The following P2RX5 variants were observed in gnomAD, a reference collection of about 807,000 sequenced individuals.
P2RX5 encodes the protein purinergic receptor P2X 5.
P2RX5 carries 46 observed loss-of-function variants against 54.1 expected under a neutral mutation model. The ratio of observed to expected loss-of-function variants is 0.85; its 90% CI spans 0.67 to 1.09. P2RX5 has a LOEUF of 1.09. Ranked by LOEUF, P2RX5 falls within the 50% of genes least tolerant of loss-of-function variation. P2RX5 has a pLI of 0.00. For synonymous variants in P2RX5, 226 were observed against 226.4 expected (o/e 1.00, Z 0.02); for missense variants, 566 against 549.8 (o/e 1.03, Z -0.29).
chr17:3,714,082 C>T, the P2RX5 span, among the ~76,000 whole-genome samples: 2 of 151,566 alleles, frequency 1.3e-5, no homozygotes, highest in South Asian at 4.2e-4. Context: ...CACCTGCCAC[C>T]GCACCCGGCT....
At chr17:3,699,094 C>CACACACACACACACA (rs57191097), upstream of P2RX5, among the ~76,000 whole-genome samples, 9 of 107,028 alleles carry the variant, frequency 8.4e-5, no homozygotes, top group South Asian at 2.6e-4. Flanking sequence ...CACACACACA[C>CACACACACACACACA]CTATATATAT....
At position 3,688,665 on chromosome 17, in the gene P2RX5, T is replaced by C. The variant is rs1567736090; in HGVS notation, c.848A>G (p.Asn283Ser). 6.2e-7 allele frequency: 1 copy of C among 1,614,104 alleles called. No individual in the cohort carries two copies. ...HPHYSFSRLD[N>S]KLSKSVSSGY... The stretch of plus-strand genomic sequence containing the variant: ...GGAGGAGACAGACTTTGAAAGTTTA[T>C]TGTCCAGACGGCTAAAAGAATAGTG... Residue 283 changes from asparagine (N) to serine (S), a missense_variant, in exon 8 of 12, where the codon AAT (asparagine) becomes AGT (serine). Physicochemically the swap from Asn to Ser is conservative, Grantham distance 46. Coordinates refer to ENST00000225328, the MANE Select transcript of P2RX5 (RefSeq NM_002561.4).
At chr17:3,684,838 T>A in intron 9 of P2RX5, among the ~76,000 whole-genome samples, 1 of 8,388 alleles carries the variant, frequency 1.2e-4, no homozygotes, top group Non-Finnish European at 0.022. Flanking sequence ...CTGCCCCCTT[T>A]TTTTTTTTTT....
chr17:3,684,670 AAAAC>A (rs886409829), intron 9 of P2RX5, among the ~76,000 whole-genome samples: 3 of 152,156 alleles, frequency 2.0e-5, no homozygotes, highest in African/African-American at 2.4e-5. Context: ...TATGAAATAG[AAAAC>A]AAACAAAAAC....
At position 3,690,128 on chromosome 17, in the gene P2RX5, C is replaced by A; in HGVS notation, c.556G>T (p.Glu186Ter). ...TTCTTTATGAAAATGGTGAAGTCTT[C>A]GGCCTCCTTCAGGAATGGCTCCCTG... ...RPEEPFLKEA[E>*]DFTIFIKNHI... The change falls in exon 6 of 12, where the codon GAA becomes TAA. Residue 186 changes from glutamate to a stop codon, truncating the protein, a stop_gained. Coordinates refer to ENST00000225328, the MANE Select transcript of P2RX5 (RefSeq NM_002561.4). LOFTEE classifies it high-confidence loss of function. 1 of 1,614,174 alleles carries A rather than the reference C, an allele frequency of 6.2e-7. No individual in the cohort carries two copies. The highest frequency in any genetic ancestry group is 8.5e-7 in the Non-Finnish European group (1 of 1,180,000).
the P2RX5 span, chr17:3,716,884 G>A: frequency 1.3e-6 from 1 of 761,514 alleles, no homozygotes; most frequent in Non-Finnish European, 2.3e-6. Flanking sequence ...AGCAAAATAC[G>A]AGGACTTGGC....
intron 6 of P2RX5, 44 bp from the exon 7 acceptor site, chr17:3,689,674 A>T: frequency 6.2e-7 from 1 of 1,613,224 alleles, no homozygotes; most frequent in Non-Finnish European, 8.5e-7. Flanking sequence ...GTAAGACTTG[A>T]TGTTTCCCGG....
At chr17:3,680,603 T>C (rs80293344) in intron 10 of P2RX5, among the ~76,000 whole-genome samples, 1 of 51,644 alleles carries the variant, frequency 1.9e-5, no homozygotes, top group Non-Finnish European at 3.6e-5. Flanking sequence ...GCTTCCTCCA[T>C]CCTGGGTCCT....
Position 3,689,476 on chromosome 17 carries a change from C to A in P2RX5, c.753+16G>T. ...CCAGGCCCTCAGGGAGGGCTCCCTG[C>A]GTGCACCCCACCCACCTCCAGGGCT... On this transcript the variant is annotated intron_variant, in intron 7 of 11. Transcript: ENST00000225328. The A allele has an allele frequency of 1.2e-6, 2 of 1,613,512 alleles. No homozygotes were observed. The highest frequency in any genetic ancestry group is 1.7e-6 in the Non-Finnish European group (2 of 1,179,698).
the P2RX5 span, among the ~76,000 whole-genome samples, chr17:3,709,583 C>T: frequency 6.6e-6 from 1 of 152,110 alleles, no homozygotes; most frequent in South Asian, 2.1e-4. Context: ...GCCTGGGTAA[C>T]AAGGTGAGAC....
At chr17:3,692,745 G>A (rs1368974273) in intron 1 of P2RX5, among the ~76,000 whole-genome samples, 2 of 152,180 alleles carry the variant, frequency 1.3e-5, no homozygotes, top group African/African-American at 4.8e-5. Context: ...GGGAGGCTGA[G>A]GTGGGAGGAT....
At chr17:3,684,694 C>T (rs757045278) in intron 9 of P2RX5, among the ~76,000 whole-genome samples, 1 of 152,204 alleles carries the variant, frequency 6.6e-6, no homozygotes, top group Non-Finnish European at 1.5e-5. Context: ...CCTCCTACGA[C>T]ACCCAGCACA....
the P2RX5 span, among the ~76,000 whole-genome samples, chr17:3,710,745 T>G: frequency 6.6e-6 from 1 of 151,766 alleles, no homozygotes; most frequent in Non-Finnish European, 1.5e-5. Flanking sequence ...CTGGCCGACA[T>G]GGTGAAACCC....
chr17:3,695,477 TGCCAGGCCAAGGCCCA>T (rs1174417073), intron 1 of P2RX5, among the ~76,000 whole-genome samples: 1 of 152,140 alleles, frequency 6.6e-6, no homozygotes, highest in Non-Finnish European at 1.5e-5. Context: ...CTGGGTCAGC[TGCCAGGCCAAGGCCCA>T]GGGAGGCTCC....
In P2RX5 at chr17:3,688,075, C is replaced by A; in HGVS notation, c.918G>T (p.Gly306=). The A allele has an allele frequency of 6.2e-7, 1 of 1,606,652 alleles. No individual in the cohort carries two copies. The highest frequency in any genetic ancestry group is 2.3e-5 in the East Asian group (1 of 44,444). The change falls in exon 9 of 12, where the codon GGG becomes GGT. Residue 306 remains glycine, a synonymous_variant. Coordinates refer to ENST00000225328, the MANE Select transcript of P2RX5 (RefSeq NM_002561.4). ...CTTTCATCAGGGTGCGGAACTCCACCCCGGCTGCGTCTCGGTAATATCTGG... is the reference window on the plus strand; with the variant it reads ...CTTTCATCAGGGTGCGGAACTCCACACCGGCTGCGTCTCGGTAATATCTGG... ...RFARYYRDAA[G]VEFRTLMKAY...
At chr17:3,705,039 G>A in the P2RX5 span, among the ~76,000 whole-genome samples, 1 of 152,112 alleles carries the variant, frequency 6.6e-6, no homozygotes, top group East Asian at 1.9e-4. Context: ...TCAAACTCGA[G>A]TCAACCAAAT....
chr17:3,699,095 C>CACACACACACACACACACA (rs60173844), upstream of P2RX5, among the ~76,000 whole-genome samples: 29 of 100,248 alleles, frequency 2.9e-4, no homozygotes, highest in Non-Finnish European at 4.6e-4. Flanking sequence ...ACACACACAC[C>CACACACACACACACACACA]TATATATATA....
intron 1 of P2RX5, among the ~76,000 whole-genome samples, chr17:3,695,399 G>A (rs922793311): frequency 2.6e-5 from 4 of 152,086 alleles, no homozygotes; most frequent in Non-Finnish European, 5.9e-5. Context: ...GGAACATGCC[G>A]GGCTGATGAG....
chr17:3,721,602 G>A, the P2RX5 span: 1 of 151,960 alleles, frequency 6.6e-6, no homozygotes, highest in East Asian at 1.9e-4. Context: ...ATTATTTCTT[G>A]TATCTGTCCC....
Sources: allele counts gnomAD v4.1 joint callset (sites outside exome capture counted in the v4.1 genomes callset), GRCh38; gene constraint gnomAD v4.1.1; transcripts MANE v1.5; gene names NCBI Gene and HGNC (gene_info 2026-07-23, HGNC 2026-07-21).